Variants in NCALD observed in about 807,000 individuals in gnomAD.
NCALD encodes the protein neurocalcin delta, also known as neurocalcin-delta.
Under a neutral mutation model 18.6 loss-of-function variants are expected in NCALD, and 10 were observed. The ratio of observed to expected loss-of-function variants is 0.54; its 90% confidence interval spans 0.33 to 0.91. The LOEUF (loss-of-function observed/expected upper bound fraction) is 0.91, where lower values mean the gene tolerates loss of function less well. Among genes scored for constraint, NCALD ranks in the 40% least tolerant of loss-of-function variants. NCALD has a pLI of 0.03. For missense variants in NCALD, 184 were observed against 247.6 expected, an observed-to-expected ratio of 0.74 and a Z score of 1.72; for synonymous variants, 88 against 87.4, an observed-to-expected ratio of 1.01 and a Z score of -0.04.
intron 4 of NCALD, among the ~76,000 whole-genome samples, chr8:101,846,648 G>A (rs1260784122): frequency 6.6e-6 from 1 of 152,128 alleles, no homozygotes; most frequent in Non-Finnish European, 1.5e-5. Flanking sequence ...GACAAGCAGA[G>A]CATGAGAGTC....
At chr8:102,116,912 G>A (rs992224032) in intron 1 of NCALD, among the ~76,000 whole-genome samples, 5 of 152,176 alleles carry the variant, frequency 3.3e-5, no homozygotes, top group African/African-American at 9.7e-5. Flanking sequence ...TCTGGATCAC[G>A]CAGCTGGGTT....
chr8:101,894,692 T>G (rs1373312084), intron 3 of NCALD, among the ~76,000 whole-genome samples: 1 of 150,750 alleles, frequency 6.6e-6, no homozygotes, highest in Non-Finnish European at 1.5e-5. Context: ...TCACCACAGA[T>G]CCCACAGAAA....
chr8:101,891,630 C>G (rs916428518), intron 3 of NCALD, among the ~76,000 whole-genome samples: 1 of 152,342 alleles, frequency 6.6e-6, no homozygotes, highest in Non-Finnish European at 1.5e-5. Context: ...GAGTGCCAGA[C>G]AGTGGGCGCA....
chr8:102,107,482 T>C (rs1301638114), intron 1 of NCALD, among the ~76,000 whole-genome samples: 3 of 152,066 alleles, frequency 2.0e-5, no homozygotes. Flanking sequence ...CTTTTTAGTA[T>C]AATTGCTACT....
chr8:101,696,717 C>T (rs1815009740), intron 2 of NCALD, among the ~76,000 whole-genome samples: 1 of 152,202 alleles, frequency 6.6e-6, no homozygotes, highest in African/African-American at 2.4e-5. Flanking sequence ...CTCTTCCCTT[C>T]CTTACTTGCA....
intron 1 of NCALD, among the ~76,000 whole-genome samples, chr8:102,025,155 T>C (rs948953731): frequency 2.6e-5 from 4 of 152,138 alleles, no homozygotes; most frequent in African/African-American, 9.7e-5. Flanking sequence ...CCTTCCTCAG[T>C]GGAGACATTT....
chr8:101,866,022 A>G (rs1353730210), intron 4 of NCALD, among the ~76,000 whole-genome samples: 1 of 152,188 alleles, frequency 6.6e-6, no homozygotes, highest in Non-Finnish European at 1.5e-5. Context: ...TGAGAGAACT[A>G]CATCCATTCC....
chr8:101,785,591 C>T (rs1358423644), intron 1 of NCALD, among the ~76,000 whole-genome samples: 1 of 152,062 alleles, frequency 6.6e-6, no homozygotes, highest in Non-Finnish European at 1.5e-5. Context: ...TTGGATTATG[C>T]CATTAAGATT....
At chr8:101,742,420 T>G (rs1586370672) in intron 1 of NCALD, among the ~76,000 whole-genome samples, 2 of 152,340 alleles carry the variant, frequency 1.3e-5, no homozygotes, top group East Asian at 3.9e-4. Context: ...CAGAGCACTA[T>G]GCTAATCCTG....
At chr8:102,037,348 AG>A (rs1209432263) in intron 1 of NCALD, among the ~76,000 whole-genome samples, 1 of 152,156 alleles carries the variant, frequency 6.6e-6, no homozygotes, top group Admixed American at 6.6e-5. Context: ...TCAGGCAATC[AG>A]GGCCCAGATT....
chr8:101,967,332 A>C (rs1820067227), intron 2 of NCALD, among the ~76,000 whole-genome samples: 1 of 152,218 alleles, frequency 6.6e-6, no homozygotes. Flanking sequence ...TTTTAAATCC[A>C]AGGACTTTTA....
chr8:101,942,850 C>T (rs1323014026), intron 2 of NCALD, among the ~76,000 whole-genome samples: 1 of 152,130 alleles, frequency 6.6e-6, no homozygotes, highest in African/African-American at 2.4e-5. Flanking sequence ...CATTCACATG[C>T]TTACCCACTG....
At chr8:102,036,046 T>C (rs1212499672) in intron 1 of NCALD, among the ~76,000 whole-genome samples, 7 of 152,000 alleles carry the variant, frequency 4.6e-5, no homozygotes, top group South Asian at 2.1e-4. Context: ...CCCAGCACTT[T>C]GGGAGGCTAA....
At chr8:102,106,472 C>T (rs1187609737) in intron 1 of NCALD, among the ~76,000 whole-genome samples, 43 of 124,482 alleles carry the variant, frequency 3.5e-4, no homozygotes, top group African/African-American at 7.6e-4. Context: ...TATATACACA[C>T]ACACACACAC....
intron 4 of NCALD, among the ~76,000 whole-genome samples, chr8:101,819,523 A>G (rs1489788908): frequency 6.6e-6 from 1 of 152,018 alleles, no homozygotes; most frequent in African/African-American, 2.4e-5. Context: ...CCAATTCCCA[A>G]TTTATCCCAG....
chr8:101,796,960 A>G lies in NCALD; in HGVS notation c.-19-77312T>C, dbSNP rs1728683888. ...TTCGGAAAGGCTTATCAAAAACCCA[A>G]AAGAATGCAACCATTTGTCTCTCTC... On this transcript the variant is annotated intron_variant, in intron 4 of 6. Transcript: ENST00000311028. Among the ~76,000 whole-genome samples the G allele has an allele frequency of 3.9e-5, 6 of 152,336 alleles. No individual in the cohort carries two copies. In the South Asian group the frequency reaches 1.2e-3, roughly 32 times the overall value.
chr8:101,763,766 C>CA (rs1811212161), intron 1 of NCALD, among the ~76,000 whole-genome samples: 1 of 152,046 alleles, frequency 6.6e-6, no homozygotes, highest in African/African-American at 2.4e-5. Flanking sequence ...CAAACCATGA[C>CA]ATTGGCTTTT....
chr8:101,902,574 C>T (rs777873612), intron 3 of NCALD, among the ~76,000 whole-genome samples: 1 of 152,110 alleles, frequency 6.6e-6, no homozygotes, highest in Non-Finnish European at 1.5e-5. Context: ...GTGACTGGAC[C>T]GACAGCCAAG....
chr8:101,784,705 G>A (rs143661678), intron 1 of NCALD, among the ~76,000 whole-genome samples: 2 of 152,176 alleles, frequency 1.3e-5, no homozygotes, highest in African/African-American at 4.8e-5. Flanking sequence ...AGCAGCTGAG[G>A]TGGGATGATT....
Sources: gnomAD v4.1 joint callset for allele counts (sites outside exome capture counted in the v4.1 genomes callset) on GRCh38, gnomAD v4.1.1 for gene constraint, MANE v1.5 for transcripts, NCBI Gene and HGNC (gene_info 2026-07-23, HGNC 2026-07-21) for gene names.